The following MBOAT7 variants were observed in gnomAD, a reference collection of about 807,000 sequenced individuals.
MBOAT7 encodes the protein membrane-bound acylglycerophosphatidylinositol O-acyltransferase MBOAT7.
Under a neutral mutation model 47.4 loss-of-function variants are expected in MBOAT7, and 40 were observed. That is an observed-to-expected ratio of 0.84 (90% CI 0.66 to 1.10). MBOAT7 has a LOEUF of 1.10. MBOAT7 is among the 50% of genes least tolerant of loss of function. MBOAT7 has a pLI of 0.00. For synonymous variants in MBOAT7, 361 were observed against 292.0 expected, an observed-to-expected ratio of 1.24 and a Z score of -2.41; for missense variants, 680 against 655.6, an observed-to-expected ratio of 1.04 and a Z score of -0.41.
At chr19:54,178,142 C>CCT in intron 7 of MBOAT7, 1 of 699,924 alleles carries the variant, frequency 1.4e-6, no homozygotes, top group Non-Finnish European at 1.8e-6. Context: ...GAACTCCTGA[C>CCT]CTCATGATCC....
At chr19:54,184,207 G>A (rs1002119808) in intron 4 of MBOAT7, among the ~76,000 whole-genome samples, 2 of 124,632 alleles carry the variant, frequency 1.6e-5, no homozygotes, top group African/African-American at 6.2e-5. Context: ...TCTGTCACCA[G>A]GCTGGAGTAT....
intron 3 of MBOAT7, 128 bp from the exon 4 acceptor site, chr19:54,187,415 G>C: frequency 8.2e-7 from 1 of 1,218,818 alleles, no homozygotes; most frequent in Non-Finnish European, 1.1e-6. Context: ...ACACAGAAGG[G>C]CAGAGAGGAC....
Position 54,188,480 on chromosome 19 carries a change from A to T in MBOAT7, c.29T>A (p.Val10Glu), listed in dbSNP as rs760829356. 1 of 1,554,636 alleles carries T rather than the reference A, an allele frequency of 6.4e-7. No homozygotes were observed. The change falls in exon 2 of 8, where the codon GTG becomes GAG. Residue 10 changes from valine to glutamate, a missense_variant. Coordinates refer to ENST00000245615, the MANE Select transcript of MBOAT7 (RefSeq NM_024298.5). MSPEEWTYL[V>E]VLLISIPIGF... The stretch of plus-strand genomic sequence containing the variant: ...GATGGGGATGGAGATAAGAAGAACC[A>T]CTAGATACGTCCATTCTTCAGGCGA...
chr19:54,184,832 A>T (rs2076386884), intron 4 of MBOAT7, among the ~76,000 whole-genome samples: 2 of 147,184 alleles, frequency 1.4e-5, no homozygotes, highest in South Asian at 4.3e-4. Context: ...TGAACCTGGG[A>T]GGCGGAGGTT....
chr19:54,176,573 GT>G (rs1175324630), intron 7 of MBOAT7, among the ~76,000 whole-genome samples: 1 of 152,090 alleles, frequency 6.6e-6, no homozygotes, highest in Non-Finnish European at 1.5e-5. Flanking sequence ...ATTTTAAGGT[GT>G]TTAGGAGCAT....
chr19:54,188,069 G>GAAAGAAAA (rs1416964687), intron 3 of MBOAT7, 148 bp downstream of exon 3: 5,200 of 202,742 alleles, frequency 0.026, 65 homozygotes, highest in Middle Eastern at 0.049. Flanking sequence ...AAGAAAGAAA[G>GAAAGAAAA]ACAAACAAAC....
At position 54,180,459 on chromosome 19, in the gene MBOAT7, T is replaced by TG. The variant is rs200073889; in HGVS notation, c.854+313dup. 0.014 allele frequency: 4,024 copies of TG among 289,616 alleles called. 38 individuals carry two copies. Among genetic ancestry groups the TG allele is most frequent in the Non-Finnish European group, 0.018 (2,781 of 154,908 alleles). The allele number at this position is 289,616 out of a possible 1,614,324, so 17.9% of individuals were successfully genotyped here. ...CCAGCAAGCAGGAACAATCTGGTTC[T>TG]GGGGGGTGACACTTCTGTGGCAACA... On this transcript the variant is annotated intron_variant, in intron 6 of 7. Coordinates refer to ENST00000245615, the MANE Select transcript of MBOAT7 (RefSeq NM_024298.5). The surrounding 1 kb of genome is among the most constrained non-coding windows in gnomAD (Gnocchi z 5.2).
rs776628093 is a variant in MBOAT7 at position 54,181,024 on chromosome 19, G to A, written c.603C>T (p.Phe201=). 8.4e-6 allele frequency: 13 copies of A among 1,553,512 alleles called. No individual in the cohort carries two copies. The highest frequency in any genetic ancestry group is 1.8e-4 in the Middle Eastern group (1 of 5,480). ...LLRRAWPAPL[F]GLLFLLSSHL... is the part of the protein sequence containing the mutation. Reference sequence around the variant, plus strand: ...GAGAGGAGAGCAGGAACAGCAGGCCGAAGAGCGGGGCCGGCCAGGCGCGGC... The same window carrying A: ...GAGAGGAGAGCAGGAACAGCAGGCCAAAGAGCGGGGCCGGCCAGGCGCGGC... The change falls in exon 6 of 8, where the codon TTC becomes TTT. Residue 201 remains phenylalanine, a synonymous_variant. Coordinates refer to ENST00000245615, the MANE Select transcript of MBOAT7 (RefSeq NM_024298.5).
At position 54,178,740 on chromosome 19, in the gene MBOAT7, C is replaced by T. The variant is rs757108954; in HGVS notation, c.1031+25G>A. 21 of 1,610,354 alleles carry T rather than the reference C, an allele frequency of 1.3e-5. No homozygotes were observed. In the East Asian group the frequency reaches 4.0e-4, roughly 31 times the overall value. On this transcript the variant is annotated intron_variant, in intron 7 of 7. Transcript: ENST00000245615. ...TGGGAGATGTAGTTCTGCAGTGTCA[C>T]CTGAGACTGGGCGGGCTCACTCACC...
chr19:54,183,204 G>A (rs746564203), intron 5 of MBOAT7, among the ~76,000 whole-genome samples: 9 of 152,132 alleles, frequency 5.9e-5, no homozygotes, highest in Admixed American at 1.3e-4. Context: ...ACCCTAAGCC[G>A]TGAATATTTG....
At chr19:54,175,207 T>G (rs565482810) in intron 7 of MBOAT7, among the ~76,000 whole-genome samples, 1 of 152,166 alleles carries the variant, frequency 6.6e-6, no homozygotes, top group African/African-American at 2.4e-5. Flanking sequence ...CTCGATCTCC[T>G]GACCTCGTGA....
chr19:54,179,156 A>T lies in MBOAT7; in HGVS notation c.855-215T>A, dbSNP rs976464212. 3 of 600,880 alleles carry T rather than the reference A, an allele frequency of 5.0e-6. No individual in the cohort carries two copies. In the African/African-American group the frequency reaches 5.6e-5, roughly 11 times the overall value. 37.2% of individuals were successfully genotyped at this position (600,880 alleles called of 1,614,324 possible). On this transcript the variant is annotated intron_variant, in intron 6 of 7. Coordinates refer to ENST00000245615, the MANE Select transcript of MBOAT7 (RefSeq NM_024298.5). Reference sequence around the variant, plus strand: ...GTGGGCTGGGTGGTACAGTCCACTGACAATGGGGTTCTTCTTCTTTTGGTA... The same window carrying T: ...GTGGGCTGGGTGGTACAGTCCACTGTCAATGGGGTTCTTCTTCTTTTGGTA...
rs375821979 is a variant in MBOAT7 at position 54,175,177 on chromosome 19, A to G, written c.1032-746T>C. Among the ~76,000 whole-genome samples the G allele has an allele frequency of 9.9e-5, 15 of 152,008 alleles. No individual in the cohort carries two copies. In the East Asian group the frequency reaches 1.4e-3, roughly 14 times the overall value. ...CTATTTTTAGTAGAGACGGGGTTTC[A>G]CCGTGTTAGCCAGGATGGTCTCGAT... is the stretch of plus-strand genomic sequence containing the variant. On this transcript the variant is annotated intron_variant, in intron 7 of 7. Transcript: ENST00000245615.
Position 54,180,706 on chromosome 19 carries a change from G to A in MBOAT7, c.854+67C>T, listed in dbSNP as rs1451216429. The A allele has an allele frequency of 6.4e-6, 9 of 1,411,864 alleles. No individual in the cohort carries two copies. The highest frequency in any genetic ancestry group is 1.5e-5 in the African/African-American group (1 of 68,572). The allele number at this position is 1,411,864 out of a possible 1,614,324, so 87.5% of individuals were successfully genotyped here. On this transcript the variant is annotated intron_variant, in intron 6 of 7. Coordinates refer to ENST00000245615, the MANE Select transcript of MBOAT7 (RefSeq NM_024298.5). This position sits in a 1 kb window ranked among gnomAD's most constrained non-coding sequence, Gnocchi z 5.2. The stretch of plus-strand genomic sequence containing the variant: ...TTGCTCCCCGCTCTCCTCCCGGCTA[G>A]GGGCAGAGCCAGCCCTTGGAGGTGG...
intron 4 of MBOAT7, among the ~76,000 whole-genome samples, chr19:54,185,769 C>T (rs933312456): frequency 2.0e-5 from 3 of 151,934 alleles, no homozygotes; most frequent in African/African-American, 7.3e-5. Context: ...GATCTTGGCT[C>T]ACTGCAACCT....
intron 7 of MBOAT7, among the ~76,000 whole-genome samples, chr19:54,175,119 G>C (rs1600625429): frequency 6.6e-6 from 1 of 151,940 alleles, no homozygotes; most frequent in African/African-American, 2.4e-5. Flanking sequence ...GGGACTACAG[G>C]CGCCTGCCAC....
chr19:54,184,021 C>G (rs374254863), intron 4 of MBOAT7, among the ~76,000 whole-genome samples: 2 of 152,150 alleles, frequency 1.3e-5, no homozygotes, highest in East Asian at 1.9e-4. Flanking sequence ...GCACCCCAAA[C>G]GCACTGGAAA....
intron 4 of MBOAT7, chr19:54,186,959 C>T: frequency 3.1e-6 from 2 of 649,688 alleles, no homozygotes; most frequent in South Asian, 2.0e-5. Flanking sequence ...ATTTCCTCAC[C>T]CCAGGAGGAG....
chr19:54,183,469 G>C (rs2076341981), intron 5 of MBOAT7, 52 bp downstream of exon 5: 1 of 1,582,696 alleles, frequency 6.3e-7, no homozygotes, highest in Non-Finnish European at 8.6e-7. Context: ...ACTCAGGGCG[G>C]AAGGGGACAC....
Sources: gnomAD v4.1 joint callset for allele counts (sites outside exome capture counted in the v4.1 genomes callset) on GRCh38, gnomAD v4.1.1 for gene constraint, Gnocchi (gnomAD v3.1) non-coding constraint, MANE v1.5 for transcripts, NCBI Gene and HGNC (gene_info 2026-07-23, HGNC 2026-07-21) for gene names.